Variants in PTPRD observed in about 807,000 individuals in gnomAD.
PTPRD encodes protein tyrosine phosphatase receptor type D.
PTPRD carries 34 observed loss-of-function variants against 214.5 expected under a neutral mutation model. The observed-to-expected ratio is 0.16, with a 90% CI of 0.12 to 0.21. The LOEUF (loss-of-function observed/expected upper bound fraction) is 0.21, where lower values mean the gene tolerates loss of function less well. PTPRD is among the 10% of genes least tolerant of loss of function. PTPRD has a pLI of 1.00. For missense variants in PTPRD, 2,545 were observed against 2,398.7 expected, an observed-to-expected ratio of 1.06 and a Z score of -1.27; for synonymous variants, 1,128 against 845.7, an observed-to-expected ratio of 1.33 and a Z score of -5.79.
intron 2 of PTPRD, among the ~76,000 whole-genome samples, chr9:10,445,088 G>A (rs1022120360): frequency 1.3e-5 from 2 of 151,960 alleles, no homozygotes; most frequent in African/African-American, 4.8e-5. Flanking sequence ...GATAAATAAG[G>A]TGCTTTGGTG....
In PTPRD at chr9:9,877,307, T is replaced by C. The variant is rs2067164278; in HGVS notation, c.-368+61200A>G. ...ACAAAATAAATAAATATTAGCTTCA[T>C]AAATATACTCTTTTCCTCCACAGTC... On this transcript the variant is annotated intron_variant, in intron 5 of 45. Transcript: ENST00000381196. Among the ~76,000 whole-genome samples the C allele has an allele frequency of 7.2e-5, 11 of 152,178 alleles. No homozygotes were observed. In the South Asian group the frequency reaches 2.3e-3, roughly 32 times the overall value.
intron 4 of PTPRD, among the ~76,000 whole-genome samples, chr9:9,971,261 G>A (rs2095082884): frequency 6.6e-6 from 1 of 152,106 alleles, no homozygotes. Context: ...ATCAAAAGCA[G>A]CTGAACAGGT....
chr9:9,081,798 T>C (rs777957083), intron 10 of PTPRD, among the ~76,000 whole-genome samples: 7 of 151,912 alleles, frequency 4.6e-5, no homozygotes, highest in Non-Finnish European at 8.8e-5. Context: ...GTCCGTTTTA[T>C]CAGAGACTAG....
chr9:9,675,594 G>A (rs914925866), intron 7 of PTPRD, among the ~76,000 whole-genome samples: 1 of 151,638 alleles, frequency 6.6e-6, no homozygotes, highest in African/African-American at 2.4e-5. Flanking sequence ...ACATTTTAAA[G>A]CAATATAAAA....
chr9:8,643,894 T>G (rs943432346), intron 12 of PTPRD, among the ~76,000 whole-genome samples: 1 of 152,104 alleles, frequency 6.6e-6, no homozygotes, highest in African/African-American at 2.4e-5. Flanking sequence ...AGGGGATGGA[T>G]CCGGTGAGGT....
chr9:8,487,534 G>T lies in PTPRD; in HGVS notation c.2468-1185C>A, dbSNP rs184367914. On this transcript the variant is annotated intron_variant, in intron 27 of 45. Transcript: ENST00000381196. ...GCTTGAGCCCAAGAGTTCAAAACCA[G>T]CGGCTGGGTGTGGTGGCTCACACCA... Among the ~76,000 whole-genome samples, 278 of 151,716 alleles carry T rather than the reference G, an allele frequency of 1.8e-3. 2 individuals are homozygous for T. The highest frequency in any genetic ancestry group is 6.3e-3 in the African/African-American group (259 of 41,390).
intron 3 of PTPRD, among the ~76,000 whole-genome samples, chr9:10,154,692 C>G (rs1250720986): frequency 6.6e-6 from 1 of 152,098 alleles, no homozygotes; most frequent in Non-Finnish European, 1.5e-5. Context: ...ATCCCAGTAC[C>G]ATTTATTGAA....
At chr9:8,596,645 T>C (rs918133904) in intron 14 of PTPRD, among the ~76,000 whole-genome samples, 3 of 152,116 alleles carry the variant, frequency 2.0e-5, no homozygotes, top group African/African-American at 7.2e-5. Context: ...TACATTATAA[T>C]TGATTAAAAG....
intron 11 of PTPRD, among the ~76,000 whole-genome samples, chr9:8,742,455 T>G: frequency 6.6e-6 from 1 of 152,194 alleles, no homozygotes; most frequent in East Asian, 1.9e-4. Context: ...GATTTTGTCA[T>G]CTTTAAAAAT....
At chr9:9,246,745 T>A (rs2099973212) in intron 9 of PTPRD, among the ~76,000 whole-genome samples, 1 of 152,044 alleles carries the variant, frequency 6.6e-6, no homozygotes, top group African/African-American at 2.4e-5. Flanking sequence ...GGCCTATTCT[T>A]GGAGCTGAGA....
chr9:9,888,070 G>A (rs191435062), intron 5 of PTPRD, among the ~76,000 whole-genome samples: 11 of 152,268 alleles, frequency 7.2e-5, no homozygotes, highest in East Asian at 5.8e-4. Context: ...TGTAGCACAC[G>A]TTGTTGTCTG....
At chr9:9,730,637 G>C (rs1217689835) in intron 7 of PTPRD, among the ~76,000 whole-genome samples, 3 of 151,834 alleles carry the variant, frequency 2.0e-5, no homozygotes, top group Non-Finnish European at 4.4e-5. Flanking sequence ...TGTAGAATTG[G>C]GTTTTATTAA....
At chr9:8,470,234 G>A (rs1263423490) in intron 31 of PTPRD, among the ~76,000 whole-genome samples, 1 of 151,992 alleles carries the variant, frequency 6.6e-6, no homozygotes, top group Non-Finnish European at 1.5e-5. Flanking sequence ...GTCCTCTGGG[G>A]ATCTAGCTCA....
chr9:8,340,251 A>C, intron 42 of PTPRD, 92 bp downstream of exon 42: 1 of 1,402,394 alleles, frequency 7.1e-7, no homozygotes. Flanking sequence ...TTTCAAAAAA[A>C]ATGATCTAGC....
intron 44 of PTPRD, among the ~76,000 whole-genome samples, chr9:8,323,063 C>T (rs552775837): frequency 1.4e-4 from 22 of 152,184 alleles, no homozygotes; most frequent in Non-Finnish European, 1.9e-4. Context: ...GCTGAAAGCT[C>T]GACCTCTTGT....
chr9:9,489,164 A>G (rs2095793553), intron 8 of PTPRD, among the ~76,000 whole-genome samples: 1 of 152,196 alleles, frequency 6.6e-6, no homozygotes, highest in Admixed American at 6.5e-5. Context: ...CTGTATGCCC[A>G]GGAAATGACA....
chr9:10,266,395 G>T (rs1438013928), intron 3 of PTPRD, among the ~76,000 whole-genome samples: 1 of 152,130 alleles, frequency 6.6e-6, no homozygotes, highest in African/African-American at 2.4e-5. Context: ...ATGTAAGAAG[G>T]AAGAGAAAGC....
intron 7 of PTPRD, among the ~76,000 whole-genome samples, chr9:9,700,417 A>G (rs1393614473): frequency 6.6e-6 from 1 of 152,110 alleles, no homozygotes; most frequent in African/African-American, 2.4e-5. Flanking sequence ...TAATATGGTA[A>G]TTTTATTACA....
At chr9:9,401,943 T>C (rs1485204930) in intron 8 of PTPRD, among the ~76,000 whole-genome samples, 1 of 152,084 alleles carries the variant, frequency 6.6e-6, no homozygotes, top group East Asian at 1.9e-4. Context: ...AGCAGAACTG[T>C]GAGTCAATTA....
Sources: allele counts gnomAD v4.1 joint callset (sites outside exome capture counted in the v4.1 genomes callset), GRCh38; gene constraint gnomAD v4.1.1; transcripts MANE v1.5; gene names NCBI Gene and HGNC (gene_info 2026-07-23, HGNC 2026-07-21).